Variants in MYO5B observed in about 807,000 individuals in gnomAD.
The protein encoded by MYO5B is unconventional myosin-Vb.
A neutral mutation model predicts 229.3 loss-of-function variants in MYO5B; 143 were observed. The ratio of observed to expected loss-of-function variants is 0.62; its 90% CI spans 0.54 to 0.72. The LOEUF (loss-of-function observed/expected upper bound fraction) is 0.72, where lower values mean the gene tolerates loss of function less well. Among genes scored for constraint, MYO5B ranks in the 30% least tolerant of loss-of-function variants. The pLI is 0.00. For missense variants in MYO5B, 2,321 were observed against 2,331.0 expected, an observed-to-expected ratio of 1.00 and a Z score of 0.09; for synonymous variants, 918 against 885.2, an observed-to-expected ratio of 1.04 and a Z score of -0.66.
intron 1 of MYO5B, among the ~76,000 whole-genome samples, chr18:50,184,887 CACACACA>C (rs2033125040): frequency 9.4e-6 from 1 of 106,240 alleles, no homozygotes; most frequent in African/African-American, 3.6e-5. Flanking sequence ...CACACACACA[CACACACA>C]GAAAAAAATA....
chr18:49,835,893 G>A (rs996121424), intron 38 of MYO5B, among the ~76,000 whole-genome samples: 1 of 152,144 alleles, frequency 6.6e-6, no homozygotes, highest in African/African-American at 2.4e-5. Context: ...GCCTACCACT[G>A]GTTTGGTGGA....
chr18:49,879,138 A>C (rs761909729), intron 23 of MYO5B, 48 bp from the exon 24 acceptor site: 11 of 1,612,330 alleles, frequency 6.8e-6, no homozygotes, highest in Non-Finnish European at 9.3e-6. Context: ...GGATTCCCTC[A>C]CATGTATTGA....
Position 49,937,304 on chromosome 18 carries a change from A to C in MYO5B, c.1846T>G (p.Ser616Ala). 6.2e-7 allele frequency: 1 copy of C among 1,614,144 alleles called. No homozygotes were observed. Among genetic ancestry groups the C allele is most frequent in the South Asian group, 1.1e-5 (1 of 91,088 alleles). Reference protein sequence around the residue: ...KGSSSKISVRSARPPMKVSNK... With the variant: ...KGSSSKISVRAARPPMKVSNK... ...GAGACTTTCATGGGGGGTCTGGCAG[A>C]ACGGACGCTGATCTTCGAAGATGAC... The change falls in exon 15 of 40, where the codon TCT becomes GCT. Residue 616 changes from serine to alanine, a missense_variant. Ser to Ala is a moderately conservative substitution (Grantham distance 99). Transcript: ENST00000285039.
intron 1 of MYO5B, among the ~76,000 whole-genome samples, chr18:50,067,502 A>C (rs1031659819): frequency 3.9e-5 from 6 of 152,198 alleles, no homozygotes; most frequent in Non-Finnish European, 8.8e-5. Flanking sequence ...TCTCATGTTG[A>C]AATTCAATCC....
chr18:49,991,668 C>T (rs1191884215), intron 6 of MYO5B, among the ~76,000 whole-genome samples: 1 of 152,102 alleles, frequency 6.6e-6, no homozygotes, highest in African/African-American at 2.4e-5. Context: ...ACACCGGGGC[C>T]TGTCAGTGGG....
Position 49,875,836 on chromosome 18 carries a change from G to A in MYO5B, c.3397-9C>T, listed in dbSNP as rs746061698. The A allele has an allele frequency of 4.1e-5, 66 of 1,613,862 alleles. No homozygotes were observed. Among genetic ancestry groups the A allele is most frequent in the Non-Finnish European group, 4.8e-5 (57 of 1,180,012 alleles). On this transcript the variant is annotated splice_polypyrimidine_tract_variant and intron_variant, in intron 25 of 39. Transcript: ENST00000285039. ...TTCTCCAGGCCAATTTCCTTCAAAGGAAGACAGGCACAGAAAAAAGGTTTT... is the reference window on the plus strand; with the variant it reads ...TTCTCCAGGCCAATTTCCTTCAAAGAAAGACAGGCACAGAAAAAAGGTTTT...
chr18:50,057,193 G>A (rs2030571578), intron 1 of MYO5B, among the ~76,000 whole-genome samples: 1 of 152,136 alleles, frequency 6.6e-6, no homozygotes. Flanking sequence ...CTCCACTATG[G>A]CTTAAGTCCA....
At chr18:50,129,711 G>A (rs2032223608) in intron 1 of MYO5B, among the ~76,000 whole-genome samples, 1 of 152,192 alleles carries the variant, frequency 6.6e-6, no homozygotes, top group African/African-American at 2.4e-5. Flanking sequence ...GCTGGAATCT[G>A]AGTCCAGGCA....
At chr18:49,998,910 G>C (rs755226315) in intron 5 of MYO5B, among the ~76,000 whole-genome samples, 1 of 152,116 alleles carries the variant, frequency 6.6e-6, no homozygotes, top group Non-Finnish European at 1.5e-5. Context: ...AAAAATTCTG[G>C]AAATAGATGG....
At chr18:49,870,166 C>T (rs1360287547) in intron 27 of MYO5B, among the ~76,000 whole-genome samples, 1 of 152,182 alleles carries the variant, frequency 6.6e-6, no homozygotes, top group Non-Finnish European at 1.5e-5. Context: ...ATCTCTATGA[C>T]ACACCCTCCT....
intron 1 of MYO5B, among the ~76,000 whole-genome samples, chr18:50,077,398 A>G (rs921033302): frequency 2.6e-5 from 4 of 151,906 alleles, no homozygotes; most frequent in African/African-American, 9.7e-5. Context: ...AAGAGAAATT[A>G]GGCTGTAACT....
chr18:50,160,142 C>G (rs1478325173), intron 1 of MYO5B, among the ~76,000 whole-genome samples: 1 of 152,260 alleles, frequency 6.6e-6, no homozygotes, highest in African/African-American at 2.4e-5. Flanking sequence ...GCAAGAATAT[C>G]CACCGTAAGC....
intron 1 of MYO5B, among the ~76,000 whole-genome samples, chr18:50,064,792 T>C (rs1305364557): frequency 6.6e-6 from 1 of 152,216 alleles, no homozygotes; most frequent in Non-Finnish European, 1.5e-5. Flanking sequence ...GTTTGCTTCG[T>C]TTTTCTTTTT....
chr18:49,874,046 TC>T (rs1268158122), intron 26 of MYO5B, among the ~76,000 whole-genome samples: 1 of 152,118 alleles, frequency 6.6e-6, no homozygotes, highest in Non-Finnish European at 1.5e-5. Context: ...GAACTTGACC[TC>T]CAAAAGCTCC....
chr18:50,183,942 C>G (rs1675647316), intron 1 of MYO5B, among the ~76,000 whole-genome samples: 2 of 152,306 alleles, frequency 1.3e-5, no homozygotes, highest in Admixed American at 1.3e-4. Flanking sequence ...ATGTCTGCTT[C>G]TGCTTTGACA....
At chr18:49,884,792 C>T (rs147945015) in intron 22 of MYO5B, among the ~76,000 whole-genome samples, 2,637 of 152,114 alleles carry the variant, frequency 0.017, 36 homozygotes, top group Middle Eastern at 0.027. Context: ...TGCAACTCAA[C>T]AATAAAAAGA....
chr18:49,937,933 A>T (rs1387742279), intron 14 of MYO5B, among the ~76,000 whole-genome samples: 1 of 152,182 alleles, frequency 6.6e-6, no homozygotes, highest in East Asian at 1.9e-4. Context: ...TGACTGCATA[A>T]ATTGGTGAAC....
chr18:50,007,129 T>C (rs540035474), intron 4 of MYO5B, among the ~76,000 whole-genome samples: 2 of 152,292 alleles, frequency 1.3e-5, no homozygotes, highest in South Asian at 4.1e-4. Context: ...AGTTCGCACA[T>C]CACTAAATGA....
intron 2 of MYO5B, among the ~76,000 whole-genome samples, chr18:50,054,187 C>T (rs918654621): frequency 1.3e-5 from 2 of 152,142 alleles, no homozygotes; most frequent in Admixed American, 6.5e-5. Context: ...TCTTGGTCAC[C>T]GCACCCTGAA....
Sources: gnomAD v4.1 joint callset for allele counts (sites outside exome capture counted in the v4.1 genomes callset) on GRCh38, gnomAD v4.1.1 for gene constraint, MANE v1.5 for transcripts, NCBI Gene and HGNC (gene_info 2026-07-23, HGNC 2026-07-21) for gene names.